ANKRD44: variants seen among roughly 807,000 people sequenced by gnomAD.
ANKRD44 encodes serine/threonine-protein phosphatase 6 regulatory ankyrin repeat subunit B.
A neutral mutation model predicts 116.0 loss-of-function variants in ANKRD44; 35 were observed. That is an observed-to-expected ratio of 0.30 (90% CI 0.23 to 0.40). The LOEUF (loss-of-function observed/expected upper bound fraction) is 0.40, where lower values mean the gene tolerates loss of function less well. ANKRD44 is among the 10% of genes least tolerant of loss of function. The probability of loss-of-function intolerance (pLI) is 1.00; values close to 1 mark genes in which losing one functional copy is unlikely to be tolerated. For synonymous variants in ANKRD44, 435 were observed against 461.8 expected, an observed-to-expected ratio of 0.94 and a Z score of 0.74; for missense variants, 1,014 against 1,242.6, an observed-to-expected ratio of 0.82 and a Z score of 2.77.
chr2:196,986,534 G>A (rs187949766), downstream of ANKRD44: 53 of 233,930 alleles, frequency 2.3e-4, no homozygotes, highest in African/African-American at 9.5e-4. Flanking sequence ...AACATAAATC[G>A]TGAATCTGGA....
intron 16 of ANKRD44, among the ~76,000 whole-genome samples, chr2:197,076,845 T>G (rs1271951883): frequency 6.6e-6 from 1 of 152,222 alleles, no homozygotes; most frequent in African/African-American, 2.4e-5. Flanking sequence ...TAGTTCTTTT[T>G]TATGGCTGCA....
chr2:197,074,288 T>TG (rs2125108333), intron 16 of ANKRD44, among the ~76,000 whole-genome samples: 1 of 152,368 alleles, frequency 6.6e-6, no homozygotes, highest in African/African-American at 2.4e-5. Context: ...CAAGTCCTTC[T>TG]CTTAGCAGGA....
At chr2:197,182,619 T>C (rs1408041531) in intron 2 of ANKRD44, among the ~76,000 whole-genome samples, 3 of 152,194 alleles carry the variant, frequency 2.0e-5, no homozygotes, top group African/African-American at 4.8e-5. Flanking sequence ...CAGTTTTCCC[T>C]CAGTATATGT....
At chr2:197,129,356 G>A (rs2079047574) in intron 4 of ANKRD44, among the ~76,000 whole-genome samples, 1 of 152,056 alleles carries the variant, frequency 6.6e-6, no homozygotes, top group African/African-American at 2.4e-5. Context: ...GGCTGATCTT[G>A]AACTCCTGAC....
intron 1 of ANKRD44, chr2:197,302,260 G>T (rs1043603336): frequency 6.6e-6 from 1 of 152,470 alleles, no homozygotes; most frequent in Non-Finnish European, 1.5e-5. Flanking sequence ...TTTTTGAGCA[G>T]GAGTGACAAG....
intron 16 of ANKRD44, among the ~76,000 whole-genome samples, chr2:197,027,819 A>C (rs1180283960): frequency 6.6e-6 from 1 of 151,820 alleles, no homozygotes; most frequent in Non-Finnish European, 1.5e-5. Context: ...AGTAACTGGG[A>C]CTACAGGCAC....
intron 2 of ANKRD44, among the ~76,000 whole-genome samples, chr2:197,150,823 G>C (rs981040805): frequency 6.6e-6 from 1 of 152,114 alleles, no homozygotes; most frequent in Non-Finnish European, 1.5e-5. Flanking sequence ...TGAGAGATAA[G>C]GCAGAGAACT....
intron 17 of ANKRD44, among the ~76,000 whole-genome samples, chr2:197,022,644 C>T (rs2076519445): frequency 6.6e-6 from 1 of 152,174 alleles, no homozygotes; most frequent in Admixed American, 6.5e-5. Context: ...ACTCCTTCAT[C>T]AGATGTCAAC....
chr2:197,226,804 G>A (rs927767781), intron 1 of ANKRD44, among the ~76,000 whole-genome samples: 1 of 152,126 alleles, frequency 6.6e-6, no homozygotes, highest in Non-Finnish European at 1.5e-5. Flanking sequence ...AGGTAATTAG[G>A]CATGTTGCCA....
intron 16 of ANKRD44, among the ~76,000 whole-genome samples, chr2:197,075,042 T>C (rs1308067118): frequency 1.3e-5 from 2 of 152,104 alleles, no homozygotes; most frequent in Non-Finnish European, 2.9e-5. Context: ...ATTCCTATCA[T>C]TGAACAGGGG....
chr2:197,118,670 A>AGAAAGAAAGAAAGAAAGAAG (rs752322121), intron 8 of ANKRD44, among the ~76,000 whole-genome samples: 236 of 151,528 alleles, frequency 1.6e-3, no homozygotes, highest in South Asian at 9.0e-3. Flanking sequence ...AAAGAAAGAA[A>AGAAAGAAAGAAAGAAAGAAG]GAAAGAAAAA....
At chr2:197,000,119 G>A (rs180692387) in intron 23 of ANKRD44, among the ~76,000 whole-genome samples, 76 of 152,120 alleles carry the variant, frequency 5.0e-4, no homozygotes, top group African/African-American at 1.8e-3. Flanking sequence ...GCTACCATGT[G>A]CAAAAAAGAA....
chr2:197,103,261 G>A (rs2078344899), intron 9 of ANKRD44, among the ~76,000 whole-genome samples: 1 of 150,976 alleles, frequency 6.6e-6, no homozygotes, highest in South Asian at 2.1e-4. Context: ...GGGGAGGAAT[G>A]TATTAGTCTT....
chr2:197,239,776 C>A (rs779002637), intron 1 of ANKRD44, among the ~76,000 whole-genome samples: 8 of 152,156 alleles, frequency 5.3e-5, no homozygotes, highest in Admixed American at 3.3e-4. Context: ...CTATTGCATA[C>A]CTTTCTTGCT....
intron 21 of ANKRD44, among the ~76,000 whole-genome samples, chr2:197,003,940 G>T (rs1230803618): frequency 2.0e-5 from 3 of 151,894 alleles, no homozygotes; most frequent in Non-Finnish European, 4.4e-5. Flanking sequence ...AAAGAGGACC[G>T]TAGTGAAAAC....
intron 1 of ANKRD44, among the ~76,000 whole-genome samples, chr2:197,282,922 T>G (rs2083307383): frequency 1.3e-5 from 2 of 152,190 alleles, no homozygotes; most frequent in African/African-American, 4.8e-5. Flanking sequence ...CAGAGTACAC[T>G]GTTATGAATT....
intron 2 of ANKRD44, among the ~76,000 whole-genome samples, chr2:197,166,843 G>A (rs930825711): frequency 1.3e-5 from 2 of 152,134 alleles, no homozygotes; most frequent in African/African-American, 4.8e-5. Flanking sequence ...ATAACCTATC[G>A]CTAGGCTATA....
At chr2:197,250,218 C>G (rs1217593899) in intron 1 of ANKRD44, among the ~76,000 whole-genome samples, 5 of 152,178 alleles carry the variant, frequency 3.3e-5, no homozygotes, top group Non-Finnish European at 7.3e-5. Context: ...CAGCCATCTC[C>G]TTGTGATTGC....
At chr2:197,118,545 C>G (rs1008119875) in intron 8 of ANKRD44, among the ~76,000 whole-genome samples, 1 of 151,680 alleles carries the variant, frequency 6.6e-6, no homozygotes, top group Non-Finnish European at 1.5e-5. Flanking sequence ...AGCCAAGATC[C>G]TGCCATTGCA....
Sources: allele counts gnomAD v4.1 joint callset (sites outside exome capture counted in the v4.1 genomes callset), GRCh38; gene constraint gnomAD v4.1.1; transcripts MANE v1.5; gene names NCBI Gene and HGNC (gene_info 2026-07-23, HGNC 2026-07-21).